The following HIPK3 variants were observed in gnomAD, a reference collection of about 807,000 sequenced individuals.
HIPK3 encodes the protein homeodomain interacting protein kinase 3.
A neutral mutation model predicts 124.2 loss-of-function variants in HIPK3; 47 were observed. The observed-to-expected ratio is 0.38, with a 90% CI of 0.30 to 0.48. HIPK3 has a LOEUF of 0.48. HIPK3 is among the 20% of genes least tolerant of loss of function. The pLI, the probability that HIPK3 is intolerant of heterozygous loss-of-function variation, is 0.98. For synonymous variants in HIPK3, 482 were observed against 515.2 expected (o/e 0.94, Z 0.87); for missense variants, 1,286 against 1,454.3 (o/e 0.88, Z 1.88).
intron 1 of HIPK3, among the ~76,000 whole-genome samples, chr11:33,271,289 G>A (rs1055023577): frequency 6.6e-6 from 1 of 152,098 alleles, no homozygotes; most frequent in African/African-American, 2.4e-5. Context: ...CCTAAAAAAT[G>A]GTGGCTGGGT....
At chr11:33,309,028 A>T (rs1852249067) in intron 2 of HIPK3, among the ~76,000 whole-genome samples, 1 of 152,200 alleles carries the variant, frequency 6.6e-6, no homozygotes, top group African/African-American at 2.4e-5. Flanking sequence ...CTGAAAAGGA[A>T]TTTAGAGGAA....
rs1203758105 is a variant in HIPK3 at position 33,257,645 on chromosome 11, G to C, written c.-247G>C. ...CCCCGGGAAGGAAGATGAGGGAGAC[G>C]GGCCCGGCGCTTAGCAGCCAGAGCA... On this transcript the variant is annotated 5_prime_UTR_variant, in exon 1 of 17. Transcript: ENST00000303296. 3 of 990,632 alleles carry C rather than the reference G, an allele frequency of 3.0e-6. No individual in the cohort carries two copies. The highest frequency in any genetic ancestry group is 3.5e-5 in the African/African-American group (2 of 57,272). 61.4% of individuals were successfully genotyped at this position (990,632 alleles called of 1,614,324 possible).
At chr11:33,330,691 T>A (rs1224085744) in intron 3 of HIPK3, among the ~76,000 whole-genome samples, 1 of 152,194 alleles carries the variant, frequency 6.6e-6, no homozygotes, top group Non-Finnish European at 1.5e-5. Flanking sequence ...ATTGTAGTGA[T>A]TTTGTGGGCG....
chr11:33,322,322 C>T (rs1751995119), intron 2 of HIPK3, among the ~76,000 whole-genome samples: 1 of 152,040 alleles, frequency 6.6e-6, no homozygotes. Context: ...CTTTTTAGTA[C>T]TACTGTAACA....
chr11:33,342,736 G>A (rs1244717740), intron 8 of HIPK3, among the ~76,000 whole-genome samples: 1 of 152,072 alleles, frequency 6.6e-6, no homozygotes, highest in Non-Finnish European at 1.5e-5. Flanking sequence ...TGTATTTTTA[G>A]TAGAGACGGG....
intron 2 of HIPK3, among the ~76,000 whole-genome samples, chr11:33,308,936 C>G (rs1565077422): frequency 6.6e-6 from 1 of 151,372 alleles, no homozygotes; most frequent in Non-Finnish European, 1.5e-5. Flanking sequence ...AAAAATTCCT[C>G]TTCTCACCAA....
intron 8 of HIPK3, among the ~76,000 whole-genome samples, chr11:33,346,482 C>T (rs1053258779): frequency 4.6e-5 from 7 of 152,076 alleles, no homozygotes; most frequent in Admixed American, 1.3e-4. Flanking sequence ...CCATTATGTC[C>T]ATTAAATTAT....
chr11:33,332,232 C>T (rs754264497), intron 3 of HIPK3, among the ~76,000 whole-genome samples: 8 of 152,048 alleles, frequency 5.3e-5, no homozygotes, highest in African/African-American at 1.2e-4. Context: ...AGACACTGAC[C>T]GTGTTGAAAA....
intron 14 of HIPK3, among the ~76,000 whole-genome samples, chr11:33,350,837 A>G (rs1393219099): frequency 6.6e-6 from 1 of 152,234 alleles, no homozygotes; most frequent in Non-Finnish European, 1.5e-5. Context: ...AAATATAAGG[A>G]AATTTTAATG....
chr11:33,315,582 C>T (rs950039257), intron 2 of HIPK3, among the ~76,000 whole-genome samples: 6 of 152,150 alleles, frequency 3.9e-5, no homozygotes, highest in African/African-American at 7.2e-5. Context: ...AGCCTTGTCT[C>T]GAACTTCTGC....
At chr11:33,340,300 TTC>T (rs758220491) in intron 6 of HIPK3, among the ~76,000 whole-genome samples, 6 of 152,228 alleles carry the variant, frequency 3.9e-5, no homozygotes, top group Non-Finnish European at 7.3e-5. Context: ...GGTCTCGAAC[TTC>T]TGGGCTCAAG....
At chr11:33,306,166 A>G (rs979672998) in intron 2 of HIPK3, among the ~76,000 whole-genome samples, 1 of 152,236 alleles carries the variant, frequency 6.6e-6, no homozygotes, top group Non-Finnish European at 1.5e-5. Context: ...ACATTTATAG[A>G]TAACTCTTTT....
chr11:33,320,600 A>G (rs1398751464), intron 2 of HIPK3, among the ~76,000 whole-genome samples: 2 of 152,196 alleles, frequency 1.3e-5, no homozygotes, highest in East Asian at 1.9e-4. Context: ...TTGGATCAGG[A>G]TGGTAGCAGT....
intron 1 of HIPK3, among the ~76,000 whole-genome samples, chr11:33,268,243 T>C (rs2133870842): frequency 6.6e-6 from 1 of 152,198 alleles, no homozygotes; most frequent in East Asian, 1.9e-4. Context: ...AAAAACAGTA[T>C]TCTTAATTAA....
chr11:33,295,470 G>C (rs1253128122), intron 2 of HIPK3, among the ~76,000 whole-genome samples: 1 of 152,240 alleles, frequency 6.6e-6, no homozygotes, highest in Admixed American at 6.5e-5. Context: ...GCAATAAAAC[G>C]TGAATTCAAG....
intron 2 of HIPK3, among the ~76,000 whole-genome samples, chr11:33,319,751 T>C (rs1194953307): frequency 2.0e-5 from 3 of 152,194 alleles, no homozygotes; most frequent in African/African-American, 7.2e-5. Context: ...TTTTATGTGT[T>C]GGGAATATAG....
intron 1 of HIPK3, among the ~76,000 whole-genome samples, chr11:33,283,693 G>A (rs1447386316): frequency 2.0e-5 from 3 of 150,420 alleles, no homozygotes; most frequent in African/African-American, 7.3e-5. Flanking sequence ...TTTTCTTTTG[G>A]AGACGGAGCC....
chr11:33,331,316 A>G (rs553930957), intron 3 of HIPK3, among the ~76,000 whole-genome samples: 4 of 152,210 alleles, frequency 2.6e-5, no homozygotes, highest in Admixed American at 1.3e-4. Context: ...GTCTCTCTCT[A>G]TTATCTGTTC....
At chr11:33,332,204 AT>A (rs993243352) in intron 3 of HIPK3, among the ~76,000 whole-genome samples, 2 of 152,028 alleles carry the variant, frequency 1.3e-5, no homozygotes, top group African/African-American at 4.8e-5. Flanking sequence ...TTCTCTTTGG[AT>A]TTTAGATTCT....
Sources: allele counts gnomAD v4.1 joint callset (sites outside exome capture counted in the v4.1 genomes callset), GRCh38; gene constraint gnomAD v4.1.1; transcripts MANE v1.5; gene names NCBI Gene and HGNC (gene_info 2026-07-23, HGNC 2026-07-21).